The following CSNK1G1 variants were observed in gnomAD, a reference collection of about 807,000 sequenced individuals.
The protein encoded by CSNK1G1 is casein kinase I isoform gamma-1.
Under a neutral mutation model 59.6 loss-of-function variants are expected in CSNK1G1, and 22 were observed. The observed-to-expected ratio is 0.37, with a 90% CI of 0.26 to 0.53. CSNK1G1 has a LOEUF of 0.53. Among genes scored for constraint, CSNK1G1 ranks in the 20% least tolerant of loss-of-function variants. CSNK1G1 has a pLI of 0.89. For missense variants in CSNK1G1, 384 were observed against 519.5 expected, an observed-to-expected ratio of 0.74 and a Z score of 2.54; for synonymous variants, 179 against 177.1, an observed-to-expected ratio of 1.01 and a Z score of -0.08.
intron 4 of CSNK1G1, among the ~76,000 whole-genome samples, chr15:64,243,818 C>T (rs1414982403): frequency 2.0e-5 from 3 of 151,642 alleles, no homozygotes; most frequent in South Asian, 2.1e-4. Context: ...TGCAGTGAGC[C>T]GAGATCACAC....
At chr15:64,267,050 G>A (rs1018273774) in intron 2 of CSNK1G1, among the ~76,000 whole-genome samples, 2 of 152,070 alleles carry the variant, frequency 1.3e-5, no homozygotes, top group East Asian at 1.9e-4. Flanking sequence ...GAGGACAGGA[G>A]TTCAAGACCA....
intron 6 of CSNK1G1, among the ~76,000 whole-genome samples, chr15:64,213,119 C>T (rs1347564817): frequency 1.3e-5 from 2 of 152,116 alleles, no homozygotes; most frequent in Non-Finnish European, 2.9e-5. Flanking sequence ...TTCTGCTTGT[C>T]TACTCTCTAG....
chr15:64,211,316 C>G (rs183015320), intron 6 of CSNK1G1, among the ~76,000 whole-genome samples: 8 of 152,202 alleles, frequency 5.3e-5, no homozygotes, highest in African/African-American at 1.9e-4. Context: ...ATTTAAAAAC[C>G]AATAGCATTA....
chr15:64,303,207 C>T (rs1427357231), intron 1 of CSNK1G1, among the ~76,000 whole-genome samples: 1 of 146,390 alleles, frequency 6.8e-6, no homozygotes, highest in Non-Finnish European at 1.5e-5. Flanking sequence ...AGCCACTGAA[C>T]TCTAGCCTGG....
At chr15:64,272,128 G>A (rs1354787978) in intron 2 of CSNK1G1, among the ~76,000 whole-genome samples, 1 of 151,488 alleles carries the variant, frequency 6.6e-6, no homozygotes, top group Non-Finnish European at 1.5e-5. Flanking sequence ...CTTTTATTTT[G>A]AGCCTACGGA....
At chr15:64,344,291 T>A (rs758298445) in intron 1 of CSNK1G1, among the ~76,000 whole-genome samples, 1 of 152,220 alleles carries the variant, frequency 6.6e-6, no homozygotes, top group Non-Finnish European at 1.5e-5. Flanking sequence ...ATTCACCAGA[T>A]GCATATTAAA....
In CSNK1G1 at chr15:64,180,400, A is replaced by C. The variant is rs2081796584; in HGVS notation, c.1162T>G (p.Ser388Ala). ...LNVDDPTGAH[S>A]NAPITAHAEV... ...GCATGAGCTGTGATTGGTGCATTGG[A>C]GTGGGCTCCCGTGGGATCATCAACA... The change falls in exon 11 of 12, where the codon TCC becomes GCC. Residue 388 changes from serine (S) to alanine (A), a missense_variant. Transcript: ENST00000303052. 1 of 1,614,142 alleles carries C rather than the reference A, an allele frequency of 6.2e-7. No homozygotes were observed. Among genetic ancestry groups the C allele is most frequent in the Non-Finnish European group, 8.5e-7 (1 of 1,180,014 alleles).
At chr15:64,255,758 T>C (rs980561987) in intron 3 of CSNK1G1, among the ~76,000 whole-genome samples, 1 of 152,194 alleles carries the variant, frequency 6.6e-6, no homozygotes, top group African/African-American at 2.4e-5. Flanking sequence ...TCTTAAGATA[T>C]AGAATCCATT....
intron 1 of CSNK1G1, among the ~76,000 whole-genome samples, chr15:64,311,688 A>G (rs1222254576): frequency 6.6e-6 from 1 of 151,354 alleles, no homozygotes; most frequent in Non-Finnish European, 1.5e-5. Flanking sequence ...AAAAAAAAAA[A>G]AAAAAAAAAA....
At chr15:64,324,738 G>A (rs1406880543) in intron 1 of CSNK1G1, among the ~76,000 whole-genome samples, 6 of 152,156 alleles carry the variant, frequency 3.9e-5, no homozygotes, top group Admixed American at 3.9e-4. Flanking sequence ...TATTAGTTCT[G>A]TCCTTCTAGA....
At chr15:64,349,137 CAAA>C (rs1258780843) in intron 1 of CSNK1G1, among the ~76,000 whole-genome samples, 3 of 54,648 alleles carry the variant, frequency 5.5e-5, no homozygotes, top group African/African-American at 7.1e-5. Context: ...AACTCCACCT[CAAA>C]AAAAAAAAAA....
chr15:64,223,391 G>A (rs760176860), intron 4 of CSNK1G1, among the ~76,000 whole-genome samples: 7 of 152,150 alleles, frequency 4.6e-5, no homozygotes, highest in South Asian at 2.1e-4. Flanking sequence ...GTACACATGC[G>A]GTAAACAGGT....
At chr15:64,263,335 C>T (rs1439630236) in intron 2 of CSNK1G1, among the ~76,000 whole-genome samples, 2 of 151,822 alleles carry the variant, frequency 1.3e-5, no homozygotes, top group East Asian at 2.0e-4. Flanking sequence ...ATTACAGGTG[C>T]GCGCCAACAT....
At chr15:64,189,572 G>T in intron 10 of CSNK1G1, 2 of 732,450 alleles carry the variant, frequency 2.7e-6, no homozygotes, top group Non-Finnish European at 3.6e-6. Context: ...AGCTGCAGGG[G>T]TTAGGATGTG....
intron 4 of CSNK1G1, among the ~76,000 whole-genome samples, chr15:64,233,165 C>A (rs1359220352): frequency 6.6e-6 from 1 of 152,172 alleles, no homozygotes; most frequent in Admixed American, 6.5e-5. Context: ...TCAAGCAGTT[C>A]TGCACTTTGC....
At chr15:64,234,298 A>C (rs905932159) in intron 4 of CSNK1G1, among the ~76,000 whole-genome samples, 1 of 152,116 alleles carries the variant, frequency 6.6e-6, no homozygotes, top group Admixed American at 6.5e-5. Flanking sequence ...AAAAAATAAA[A>C]TATAAAATAA....
At chr15:64,203,307 G>A in intron 9 of CSNK1G1, 118 bp from the exon 10 acceptor site, 2 of 717,500 alleles carry the variant, frequency 2.8e-6, no homozygotes. Context: ...GCTACCAAGA[G>A]CACTTTCAAG....
chr15:64,326,601 G>C (rs1053450507), intron 1 of CSNK1G1, among the ~76,000 whole-genome samples: 1 of 151,638 alleles, frequency 6.6e-6, no homozygotes, highest in Admixed American at 6.6e-5. Flanking sequence ...CTGAGATCAC[G>C]CCATTGCACT....
At chr15:64,189,194 G>A (rs965390894) in intron 10 of CSNK1G1, 3 of 248,056 alleles carry the variant, frequency 1.2e-5, no homozygotes, top group South Asian at 1.2e-4. Context: ...AGCTAACAGC[G>A]TCTAGACTGA....
Sources: allele counts gnomAD v4.1 joint callset (sites outside exome capture counted in the v4.1 genomes callset), GRCh38; gene constraint gnomAD v4.1.1; transcripts MANE v1.5; gene names NCBI Gene and HGNC (gene_info 2026-07-23, HGNC 2026-07-21).